The following GAB4 variants were observed in gnomAD, a reference collection of about 807,000 sequenced individuals.
The protein encoded by GAB4 is GRB2 associated binding protein family member 4, also known as GRB2-associated-binding protein 4.
In GAB4, 26 loss-of-function variants were observed where a neutral mutation model predicts 51.3. The observed-to-expected ratio is 0.51, with a 90% confidence interval of 0.37 to 0.70. GAB4 has a LOEUF of 0.70. GAB4 is among the 30% of genes least tolerant of loss of function. The pLI is 0.00. For missense variants in GAB4, 759 were observed against 734.6 expected (o/e 1.03, Z -0.38); for synonymous variants, 329 against 291.2 (o/e 1.13, Z -1.32).
rs1373672069 is a variant in GAB4 at position 16,992,110 on chromosome 22, A to G, written c.241T>C (p.Tyr81His). The G allele has an allele frequency of 1.2e-6, 2 of 1,614,076 alleles. No individual in the cohort carries two copies. The highest frequency in any genetic ancestry group is 1.1e-5 in the South Asian group (1 of 91,078). ...TTCTTGGAGCCATCATTCTTGTAGT[A>G]TTCCAGAACATCTGGGTCACTGCTA... ...QTSSDPDVLE[Y>H]YKNDGSKKPL... is the part of the protein sequence containing the mutation. The change falls in exon 2 of 10, where the codon TAC becomes CAC. Residue 81 changes from tyrosine (Y) to histidine (H), a missense_variant. Coordinates refer to ENST00000400588, the MANE Select transcript of GAB4 (RefSeq NM_001037814.1).
chr22:16,988,252 C>A, intron 2 of GAB4, 85 bp from the exon 3 acceptor site: 1 of 853,748 alleles, frequency 1.2e-6, no homozygotes, highest in Non-Finnish European at 2.0e-6. Flanking sequence ...TGGCGGTAAT[C>A]CAGCACCAGC....
intron 2 of GAB4, among the ~76,000 whole-genome samples, chr22:16,989,552 T>C (rs1280972486): frequency 6.6e-6 from 1 of 152,184 alleles, no homozygotes; most frequent in Non-Finnish European, 1.5e-5. Flanking sequence ...CAAGATGAGC[T>C]CCCATGCAGG....
chr22:16,968,407 C>T, intron 4 of GAB4, 24 bp from the exon 5 acceptor site: 8 of 1,561,598 alleles, frequency 5.1e-6, no homozygotes, highest in Non-Finnish European at 7.1e-6. Flanking sequence ...AGGAGATCCA[C>T]ATGCATCACA....
intron 3 of GAB4, among the ~76,000 whole-genome samples, chr22:16,978,072 GA>G (rs36017062): frequency 0.78 from 119,042 of 152,062 alleles, 47,386 homozygotes; most frequent in African/African-American, 0.93. Flanking sequence ...GCCCATAAGA[GA>G]AAGCAGGGAA....
chr22:16,964,284 G>A (rs912538729), intron 8 of GAB4, among the ~76,000 whole-genome samples: 6 of 152,174 alleles, frequency 3.9e-5, no homozygotes, highest in Non-Finnish European at 8.8e-5. Flanking sequence ...TGGGCTCTGG[G>A]TTTTGGCTGC....
chr22:16,972,168 C>T (rs1356049588), intron 3 of GAB4, among the ~76,000 whole-genome samples: 6 of 152,240 alleles, frequency 3.9e-5, no homozygotes, highest in African/African-American at 1.2e-4. Flanking sequence ...TGGACACAGA[C>T]GCCACCTGCC....
chr22:16,968,219 G>A, intron 5 of GAB4, 79 bp downstream of exon 5: 3 of 977,706 alleles, frequency 3.1e-6, no homozygotes, highest in Non-Finnish European at 5.0e-6. Flanking sequence ...ACCCTTTGGG[G>A]GATGTGCTTT....
rs762744973 is a variant in GAB4, at chr22:16,963,720, G to A, written c.1581+5C>T. 1.7e-5 allele frequency: 28 copies of A among 1,610,508 alleles called. No individual in the cohort carries two copies. Among genetic ancestry groups the A allele is most frequent in the Non-Finnish European group, 2.2e-5 (26 of 1,177,876 alleles). ...TCTGCCCAACCCCAGCTCCACCCCA[G>A]GCACCTTGCTCGGCTGGAAGTCCAG... On this transcript the variant is annotated splice_donor_5th_base_variant and intron_variant, in intron 9 of 9. Coordinates refer to ENST00000400588, the MANE Select transcript of GAB4 (RefSeq NM_001037814.1).
chr22:17,001,135 A>G (rs2060994431), intron 1 of GAB4, among the ~76,000 whole-genome samples: 1 of 152,112 alleles, frequency 6.6e-6, no homozygotes, highest in Non-Finnish European at 1.5e-5. Flanking sequence ...GCTCTTCTCG[A>G]AGATTATCTT....
At chr22:16,991,740 CA>C (rs2060915569) in intron 2 of GAB4, 132 bp downstream of exon 2, 2 of 754,522 alleles carry the variant, frequency 2.7e-6, no homozygotes, top group Non-Finnish European at 4.5e-6. Flanking sequence ...GAAGAAACAC[CA>C]AAAATGCCTT....
At chr22:16,987,680 A>G (rs1393421540) in intron 3 of GAB4, among the ~76,000 whole-genome samples, 1 of 152,178 alleles carries the variant, frequency 6.6e-6, no homozygotes, top group Non-Finnish European at 1.5e-5. Context: ...TCTAGCCTCT[A>G]ATGCTTTTTT....
At chr22:17,002,884 C>G (rs1227231186) in intron 1 of GAB4, among the ~76,000 whole-genome samples, 1 of 151,846 alleles carries the variant, frequency 6.6e-6, no homozygotes, top group Admixed American at 6.6e-5. Flanking sequence ...AAGACACAGA[C>G]TGGCAAATTG....
At chr22:16,965,347 G>A (rs2060663876) in intron 6 of GAB4, 79 bp from the exon 7 acceptor site, 1 of 1,095,610 alleles carries the variant, frequency 9.1e-7, no homozygotes, top group South Asian at 1.3e-5. Flanking sequence ...GCCCAGGTGT[G>A]CTTAGAAAGG....
rs1356838792 is a variant in GAB4, at chr22:16,987,957, T to C, written c.686+3A>G. 11 of 1,592,976 alleles carry C rather than the reference T, an allele frequency of 6.9e-6. No individual in the cohort carries two copies. The highest frequency in any genetic ancestry group is 1.3e-5 in the African/African-American group (1 of 74,898). On this transcript the variant is annotated splice_donor_region_variant and intron_variant, in intron 3 of 9. Transcript: ENST00000400588. ...GCCCCCACTGGCCATAGTAGCCCCC[T>C]ACCTTGCATGTTCTGCTCTCTGGCT...
At chr22:16,995,870 G>A (rs1376951332) in intron 1 of GAB4, among the ~76,000 whole-genome samples, 1 of 152,104 alleles carries the variant, frequency 6.6e-6, no homozygotes. Flanking sequence ...GGGCAAAAAG[G>A]CTGAAAATTC....
chr22:17,004,195 A>G (rs2061020738), intron 1 of GAB4, among the ~76,000 whole-genome samples: 1 of 152,162 alleles, frequency 6.6e-6, no homozygotes, highest in Middle Eastern at 3.4e-3. Flanking sequence ...CCTATCAACA[A>G]CAACAAGAAA....
Position 16,999,013 on chromosome 22 carries a change from G to A in GAB4, c.175-6837C>T, listed in dbSNP as rs188681199. On this transcript the variant is annotated intron_variant, in intron 1 of 9. Transcript: ENST00000400588. ...GCCAACTTGATCGTGGTGAATAAGC[G>A]TTTTGATCTGCTGCTGGGTTCGGTT... Among the ~76,000 whole-genome samples, 64 of 152,188 alleles carry A rather than the reference G, an allele frequency of 4.2e-4. 1 individual carries two copies. The highest frequency in any genetic ancestry group is 2.9e-5 in the Non-Finnish European group (2 of 68,012).
In GAB4 at chr22:16,962,991, C is replaced by A. The variant is rs186926347; in HGVS notation, c.1582-115G>T. The A allele has an allele frequency of 8.0e-5, 78 of 977,746 alleles. No homozygotes were observed. The African/African-American group carries it at 1.2e-3, about 15-fold the overall frequency. 60.6% of individuals were successfully genotyped at this position (977,746 alleles called of 1,614,324 possible). ...TCTCAGGGGGAAGGAACCTCTGCCT[C>A]CTGCTCTCAGCAGCCTGGGGGGCCT... is the stretch of plus-strand genomic sequence containing the variant. On this transcript the variant is annotated intron_variant, in intron 9 of 9. Coordinates refer to ENST00000400588, the MANE Select transcript of GAB4 (RefSeq NM_001037814.1).
At chr22:16,989,637 C>T (rs1405963181) in intron 2 of GAB4, among the ~76,000 whole-genome samples, 1 of 152,218 alleles carries the variant, frequency 6.6e-6, no homozygotes, top group East Asian at 1.9e-4. Context: ...GATGAATGCT[C>T]TACCAGTGGA....
Sources: gnomAD v4.1 joint callset for allele counts (sites outside exome capture counted in the v4.1 genomes callset) on GRCh38, gnomAD v4.1.1 for gene constraint, MANE v1.5 for transcripts, NCBI Gene and HGNC (gene_info 2026-07-23, HGNC 2026-07-21) for gene names.